The following PKD1L1 variants were observed in gnomAD, a reference collection of about 807,000 sequenced individuals.
PKD1L1 encodes polycystin 1 like 1, transient receptor potential channel interacting, also known as polycystin-1-like protein 1.
In PKD1L1, 236 loss-of-function variants were observed where a neutral mutation model predicts 323.4. The ratio of observed to expected loss-of-function variants is 0.73; its 90% CI spans 0.66 to 0.81. The LOEUF (loss-of-function observed/expected upper bound fraction) is 0.81. PKD1L1 is among the 40% of genes least tolerant of loss of function. The pLI, the probability that PKD1L1 is intolerant of heterozygous loss-of-function variation, is 0.00. For missense variants in PKD1L1, 3,320 were observed against 3,508.0 expected (o/e 0.95, Z 1.35); for synonymous variants, 1,344 against 1,335.0 (o/e 1.01, Z -0.15).
intron 15 of PKD1L1, among the ~76,000 whole-genome samples, chr7:47,893,298 C>T (rs116014624): frequency 3.3e-5 from 5 of 150,438 alleles, no homozygotes; most frequent in Middle Eastern, 3.4e-3. Context: ...GGTCCTTCCA[C>T]GGGTACAGAA....
In PKD1L1 at chr7:47,902,433, C is replaced by T. The variant is rs770258796; in HGVS notation, c.2010G>A (p.Val670=). The T allele has an allele frequency of 3.7e-6, 6 of 1,614,186 alleles. No homozygotes were observed. The highest frequency in any genetic ancestry group is 2.2e-5 in the East Asian group (1 of 44,886). ...CCAGGGGTGGCTGGCAGGGCTCGCA[C>T]ACGATGAAAAGTTGCTGTCTTAGAG... ...ASTLRQQLFI[V]CEPCQPPLVK... The change falls in exon 13 of 57, where the codon GTG becomes GTA. Residue 670 remains valine (V), a synonymous_variant. Coordinates refer to ENST00000289672, the MANE Select transcript of PKD1L1 (RefSeq NM_138295.5).
intron 3 of PKD1L1, among the ~76,000 whole-genome samples, chr7:47,937,269 G>C (rs1421809109): frequency 8.2e-5 from 11 of 134,196 alleles, no homozygotes; most frequent in Non-Finnish European, 1.6e-4. Flanking sequence ...TGGGGGGGGG[G>C]GGCGCGGTGC....
chr7:47,804,553 G>A (rs1486415815), intron 52 of PKD1L1, among the ~76,000 whole-genome samples: 17 of 142,404 alleles, frequency 1.2e-4, no homozygotes, highest in African/African-American at 3.9e-4. Context: ...TGCAACCTCC[G>A]CCTCCTGGTG....
chr7:47,857,968 C>CTG, intron 27 of PKD1L1, 136 bp from the exon 28 acceptor site: 2 of 771,722 alleles, frequency 2.6e-6, no homozygotes, highest in East Asian at 2.7e-5. Flanking sequence ...AGCAAGAGCG[C>CTG]AGGTCTTAGG....
chr7:47,792,743 T>A lies in PKD1L1; in HGVS notation c.8410A>T (p.Asn2804Tyr). The A allele has an allele frequency of 6.2e-7, 1 of 1,614,118 alleles. No individual in the cohort carries two copies. The highest frequency in any genetic ancestry group is 8.5e-7 in the Non-Finnish European group (1 of 1,179,990). Residue 2804 changes from asparagine (N) to tyrosine (Y), a missense_variant, in exon 56 of 57, where the codon AAT becomes TAT. Asn to Tyr is a moderately radical substitution (Grantham distance 143, BLOSUM62 -2). Coordinates refer to ENST00000289672, the MANE Select transcript of PKD1L1 (RefSeq NM_138295.5). The stretch of plus-strand genomic sequence containing the variant: ...AGTTGTAGGCTGTCGGACAAACCAT[T>A]AATCTTCATCAGAAGTTCGTCTAAC... ...NLLDELLMKI[N>Y]GLSDSLQLPL... is the part of the protein sequence containing the mutation.
chr7:47,820,965 G>T, intron 46 of PKD1L1, 111 bp downstream of exon 46: 1 of 649,390 alleles, frequency 1.5e-6, no homozygotes, highest in Non-Finnish European at 2.7e-6. Flanking sequence ...GGGAAATGGT[G>T]ACAATCTTTC....
intron 9 of PKD1L1, among the ~76,000 whole-genome samples, chr7:47,907,715 C>T (rs968579403): frequency 6.6e-6 from 1 of 152,232 alleles, no homozygotes; most frequent in South Asian, 2.1e-4. Flanking sequence ...CCAGCTCCCA[C>T]CTCAGATGTG....
intron 42 of PKD1L1, 151 bp downstream of exon 42, chr7:47,831,066 A>G: frequency 9.0e-7 from 1 of 1,116,282 alleles, no homozygotes. Flanking sequence ...TATTTACCCC[A>G]GGAGATGGGA....
the PKD1L1 span, among the ~76,000 whole-genome samples, chr7:47,958,937 T>A: frequency 6.6e-6 from 1 of 152,320 alleles, no homozygotes. Flanking sequence ...TTCTCCTGCC[T>A]CAGCCTGCCG....
rs755908731 is a variant in PKD1L1 at position 47,834,369 on chromosome 7, T to C, written c.6144A>G (p.Gly2048=). The change falls in exon 40 of 57, where the codon GGA becomes GGG. Residue 2048 remains glycine (G), a synonymous_variant. Coordinates refer to ENST00000289672, the MANE Select transcript of PKD1L1 (RefSeq NM_138295.5). The part of the protein sequence containing the change: ...TEAPHGPNSW[G]RIPDAQEPRK... ...GTGGCTCCTGTGCGTCTGGTATCCTTCCCCAGGAATTAGGACCTGATTCAA... is the reference window on the plus strand; with the variant it reads ...GTGGCTCCTGTGCGTCTGGTATCCTCCCCCAGGAATTAGGACCTGATTCAA... The C allele has an allele frequency of 8.1e-6, 13 of 1,613,868 alleles. No individual in the cohort carries two copies. In the Admixed American group the frequency reaches 1.5e-4, roughly 19 times the overall value.
chr7:47,844,963 T>C, intron 33 of PKD1L1, 32 bp downstream of exon 33: 4 of 1,573,572 alleles, frequency 2.5e-6, no homozygotes, highest in Non-Finnish European at 3.5e-6. Flanking sequence ...AAATAAAGTC[T>C]ATGAAGTCTT....
chr7:47,938,033 G>A (rs1448323349), intron 3 of PKD1L1, among the ~76,000 whole-genome samples: 1 of 152,092 alleles, frequency 6.6e-6, no homozygotes, highest in Non-Finnish European at 1.5e-5. Context: ...CAGAGACAAC[G>A]CCCCACTGTG....
At chr7:47,784,420 A>C (rs1786762074) in intron 56 of PKD1L1, among the ~76,000 whole-genome samples, 1 of 152,200 alleles carries the variant, frequency 6.6e-6, no homozygotes, top group Admixed American at 6.5e-5. Context: ...AACAAATCAT[A>C]TCTCACAACT....
chr7:47,857,746 G>A lies in PKD1L1; in HGVS notation c.4449C>T (p.Ser1483=). The change falls in exon 28 of 57, where the codon AGC becomes AGT. Residue 1483 remains serine (S), a synonymous_variant. Coordinates refer to ENST00000289672, the MANE Select transcript of PKD1L1 (RefSeq NM_138295.5). ...GTAAATGCACCTGGACAGATCCCAG[G>A]CTCTGGACAGAGCTCTGAAGGTTGT... is the stretch of plus-strand genomic sequence containing the variant. ...LHYNLQSSVQ[S]LGSVQVHLPG... 1 of 1,614,100 alleles carries A rather than the reference G, an allele frequency of 6.2e-7. No homozygotes were observed. The highest frequency in any genetic ancestry group is 8.5e-7 in the Non-Finnish European group (1 of 1,180,020).
At chr7:47,883,707 TGAG>T (rs1315161696) in intron 19 of PKD1L1, among the ~76,000 whole-genome samples, 1 of 152,208 alleles carries the variant, frequency 6.6e-6, no homozygotes, top group Non-Finnish European at 1.5e-5. Flanking sequence ...TGGAAGCAGC[TGAG>T]GAGGACTGTT....
At position 47,828,263 on chromosome 7, in the gene PKD1L1, G is replaced by A. The variant is rs536450927; in HGVS notation, c.6736-795C>T. Among the ~76,000 whole-genome samples the A allele has an allele frequency of 1.2e-4, 18 of 152,198 alleles. 1 individual carries two copies. The highest frequency in any genetic ancestry group is 7.9e-4 in the Admixed American group (12 of 15,286). ...TTTGGAGATGCCAGCCTGGCCCTCA[G>A]GATCAGGCTGAATTCATCAGAAGGA... is the stretch of plus-strand genomic sequence containing the variant. On this transcript the variant is annotated intron_variant, in intron 44 of 56. Coordinates refer to ENST00000289672, the MANE Select transcript of PKD1L1 (RefSeq NM_138295.5).
chr7:47,823,521 CT>C (rs1391640337), intron 45 of PKD1L1, among the ~76,000 whole-genome samples: 1 of 152,154 alleles, frequency 6.6e-6, no homozygotes, highest in Non-Finnish European at 1.5e-5. Context: ...TCAACATACT[CT>C]TACTGTAAAC....
chr7:47,889,911 C>A (rs1347686119), intron 16 of PKD1L1, among the ~76,000 whole-genome samples: 1 of 152,184 alleles, frequency 6.6e-6, no homozygotes, highest in African/African-American at 2.4e-5. Context: ...AATGACCCAA[C>A]CCCCTTAGAG....
chr7:47,787,690 T>C (rs1786840009), intron 56 of PKD1L1, among the ~76,000 whole-genome samples: 1 of 152,194 alleles, frequency 6.6e-6, no homozygotes, highest in South Asian at 2.1e-4. Context: ...CCATACGCCT[T>C]TAAAATGCTG....
Sources: gnomAD v4.1 joint callset for allele counts (sites outside exome capture counted in the v4.1 genomes callset) on GRCh38, gnomAD v4.1.1 for gene constraint, MANE v1.5 for transcripts, NCBI Gene and HGNC (gene_info 2026-07-23, HGNC 2026-07-21) for gene names.